PTGER3: variants seen among roughly 807,000 people sequenced by gnomAD.
PTGER3 encodes the protein prostaglandin E2 receptor EP3 subtype.
In PTGER3, 22 loss-of-function variants were observed where a neutral mutation model predicts 34.7. The observed-to-expected ratio is 0.63, with a 90% CI of 0.45 to 0.91. The LOEUF is 0.91. Ranked by LOEUF, PTGER3 falls within the 40% of genes least tolerant of loss-of-function variation. PTGER3 has a pLI of 0.00. For missense variants in PTGER3, 468 were observed against 519.4 expected, an observed-to-expected ratio of 0.90 and a Z score of 0.96; for synonymous variants, 241 against 230.1, an observed-to-expected ratio of 1.05 and a Z score of -0.43.
At chr1:70,949,175 A>G (rs1388448354), downstream of PTGER3, among the ~76,000 whole-genome samples, 1 of 152,186 alleles carries the variant, frequency 6.6e-6, no homozygotes, top group Non-Finnish European at 1.5e-5. Context: ...TTATAAAACA[A>G]TAGGAACAAT....
At chr1:70,887,087 C>T (rs1646513746) in intron 4 of PTGER3, among the ~76,000 whole-genome samples, 2 of 152,080 alleles carry the variant, frequency 1.3e-5, no homozygotes, top group Admixed American at 6.6e-5. Context: ...TTCCTTTGGG[C>T]ATGAAGAAAA....
chr1:70,884,579 C>A (rs958069201), intron 4 of PTGER3, among the ~76,000 whole-genome samples: 1 of 152,202 alleles, frequency 6.6e-6, no homozygotes, highest in Non-Finnish European at 1.5e-5. Flanking sequence ...TAGGCTGACA[C>A]TTTGATTTCA....
chr1:70,923,991 G>A (rs974835777), intron 4 of PTGER3, among the ~76,000 whole-genome samples: 2 of 151,632 alleles, frequency 1.3e-5, no homozygotes, highest in South Asian at 4.2e-4. Flanking sequence ...AGTCCCTTGG[G>A]GAACTGGCCT....
chr1:71,010,964 G>T, intron 2 of PTGER3: 1 of 985,634 alleles, frequency 1.0e-6, no homozygotes, highest in African/African-American at 1.7e-5. Flanking sequence ...GAAAAGCAGT[G>T]CAAGAAACTG....
chr1:70,870,173 A>C (rs1483044997), intron 4 of PTGER3, among the ~76,000 whole-genome samples: 1 of 152,002 alleles, frequency 6.6e-6, no homozygotes, highest in Non-Finnish European at 1.5e-5. Context: ...AGCCACCAAC[A>C]CTTATGGCTT....
At position 70,915,119 on chromosome 1, in the gene PTGER3, C is replaced by T. The variant is rs562658815; in HGVS notation, c.*23+38644G>A. Among the ~76,000 whole-genome samples, 4 of 151,956 alleles carry T rather than the reference C, an allele frequency of 2.6e-5. No individual in the cohort carries two copies. In the South Asian group the frequency reaches 8.3e-4, roughly 32 times the overall value. On this transcript the variant is annotated intron_variant, in intron 4 of 4. Coordinates refer to the PTGER3 transcript ENST00000370931. Reference sequence around the variant, plus strand: ...ATAAGCTTGGCATGAGGAGCATTTACATAAAAGTACATTGTAATCTGCTTT... The same window carrying T: ...ATAAGCTTGGCATGAGGAGCATTTATATAAAAGTACATTGTAATCTGCTTT...
At chr1:70,859,498 G>T (rs2100466494) in intron 4 of PTGER3, among the ~76,000 whole-genome samples, 1 of 152,218 alleles carries the variant, frequency 6.6e-6, no homozygotes, top group Non-Finnish European at 1.5e-5. Flanking sequence ...TATATTGCAA[G>T]ATTTACAATT....
chr1:70,927,461 A>G (rs1282814383), intron 4 of PTGER3, among the ~76,000 whole-genome samples: 2 of 152,202 alleles, frequency 1.3e-5, no homozygotes, highest in South Asian at 2.1e-4. Flanking sequence ...AAAAGAAAGC[A>G]TAGCTATGGA....
chr1:70,881,892 C>T (rs1398564625), intron 4 of PTGER3, among the ~76,000 whole-genome samples: 4 of 152,244 alleles, frequency 2.6e-5, no homozygotes, highest in Non-Finnish European at 2.9e-5. Context: ...AGCAGAACCA[C>T]TGAGCTGGAA....
chr1:70,990,386 C>CACACATATAT (rs1206925417), intron 2 of PTGER3, among the ~76,000 whole-genome samples: 4 of 131,400 alleles, frequency 3.0e-5, no homozygotes, highest in African/African-American at 1.2e-4. Flanking sequence ...CACACACACA[C>CACACATATAT]ATATATATAT....
intron 2 of PTGER3, chr1:71,007,713 T>C (rs1440629763): frequency 2.0e-6 from 2 of 985,208 alleles, no homozygotes; most frequent in Non-Finnish European, 2.4e-6. Context: ...TCTACAGACA[T>C]GGAAAACTGT....
At chr1:70,969,169 T>G (rs1431972332), downstream of PTGER3, among the ~76,000 whole-genome samples, 2 of 152,076 alleles carry the variant, frequency 1.3e-5, no homozygotes, top group Non-Finnish European at 2.9e-5. Flanking sequence ...ATCGCACCAT[T>G]GCACTCCAGC....
At chr1:70,852,768 G>T (rs1271447709) in exon 5 of PTGER3, 1 of 1,551,028 alleles carries the variant, frequency 6.4e-7, no homozygotes, top group Non-Finnish European at 8.9e-7. Flanking sequence ...GTGTTTCTGT[G>T]ATTTTTTTTT....
At chr1:70,936,173 T>G (rs1485309815) in intron 4 of PTGER3, among the ~76,000 whole-genome samples, 1 of 152,190 alleles carries the variant, frequency 6.6e-6, no homozygotes, top group African/African-American at 2.4e-5. Flanking sequence ...ATCATTAACA[T>G]CTGTTGGGAA....
intron 4 of PTGER3, among the ~76,000 whole-genome samples, chr1:70,905,415 C>G (rs891650287): frequency 3.1e-4 from 47 of 151,996 alleles, no homozygotes; most frequent in African/African-American, 1.1e-3. Flanking sequence ...GCCTCAGACA[C>G]TCAACACCAG....
intron 4 of PTGER3, among the ~76,000 whole-genome samples, chr1:70,890,347 T>C (rs1392911696): frequency 1.3e-5 from 2 of 152,192 alleles, no homozygotes; most frequent in Admixed American, 6.5e-5. Context: ...AATTAAGTGA[T>C]CCTCTTAAGA....
At chr1:71,038,539 G>A (rs972913702) in intron 1 of PTGER3, among the ~76,000 whole-genome samples, 1 of 152,030 alleles carries the variant, frequency 6.6e-6, no homozygotes, top group African/African-American at 2.4e-5. Flanking sequence ...ATTTTAGATC[G>A]ATGATCCTTC....
chr1:71,006,512 A>G (rs1196896096), intron 2 of PTGER3: 2 of 985,150 alleles, frequency 2.0e-6, no homozygotes, highest in South Asian at 9.4e-5. Context: ...CCTGTAAATT[A>G]CACCAAAATC....
In PTGER3 at chr1:70,971,624, A is replaced by G; in HGVS notation, c.*106T>C. ...CATTAAAATAAAAAGATAAAAATGA[A>G]GAAATAATCCAAATTAAAATATATA... On this transcript the variant is annotated 3_prime_UTR_variant, in exon 4 of 4. Transcript: ENST00000306666. 1 of 1,416,600 alleles carries G rather than the reference A, an allele frequency of 7.1e-7. No homozygotes were observed. The allele number at this position is 1,416,600 out of a possible 1,614,324, so 87.8% of individuals were successfully genotyped here.
Sources: allele counts gnomAD v4.1 joint callset (sites outside exome capture counted in the v4.1 genomes callset), GRCh38; gene constraint gnomAD v4.1.1; transcripts MANE v1.5; gene names NCBI Gene and HGNC (gene_info 2026-07-23, HGNC 2026-07-21).